The following CCBE1 variants were observed in gnomAD, a reference collection of about 807,000 sequenced individuals.
CCBE1 encodes collagen and calcium binding EGF domains 1, also known as collagen and calcium-binding EGF domain-containing protein 1.
A neutral mutation model predicts 50.0 loss-of-function variants in CCBE1; 37 were observed. The ratio of observed to expected loss-of-function variants is 0.74; its 90% CI spans 0.57 to 0.97. CCBE1 has a LOEUF of 0.97. Among genes scored for constraint, CCBE1 ranks in the 50% least tolerant of loss-of-function variants. The pLI is 0.00. For missense variants in CCBE1, 538 were observed against 523.8 expected, an observed-to-expected ratio of 1.03 and a Z score of -0.26; for synonymous variants, 234 against 203.7, an observed-to-expected ratio of 1.15 and a Z score of -1.27.
At chr18:59,483,438 A>G (rs1286349107) in intron 2 of CCBE1, among the ~76,000 whole-genome samples, 1 of 152,222 alleles carries the variant, frequency 6.6e-6, no homozygotes, top group Non-Finnish European at 1.5e-5. Context: ...GAAATGTTTC[A>G]ATGAGCATTT....
At chr18:59,690,077 A>T (rs899042235) in intron 2 of CCBE1, among the ~76,000 whole-genome samples, 1 of 152,198 alleles carries the variant, frequency 6.6e-6, no homozygotes, top group Non-Finnish European at 1.5e-5. Flanking sequence ...CTGAAAGATA[A>T]AGGGAATTAA....
chr18:59,509,817 TA>T (rs1914053011), intron 2 of CCBE1, among the ~76,000 whole-genome samples: 1 of 65,908 alleles, frequency 1.5e-5, no homozygotes, highest in African/African-American at 7.3e-5. Context: ...TTTACTAAAT[TA>T]CTAAATTACT....
intron 2 of CCBE1, among the ~76,000 whole-genome samples, chr18:59,543,579 A>T (rs935205995): frequency 1.3e-5 from 2 of 152,150 alleles, no homozygotes; most frequent in Admixed American, 1.3e-4. Flanking sequence ...CTCACGTCTG[A>T]AATCCCAGCA....
chr18:59,552,833 T>G (rs188993225), intron 2 of CCBE1, among the ~76,000 whole-genome samples: 2 of 152,332 alleles, frequency 1.3e-5, no homozygotes, highest in South Asian at 2.1e-4. Context: ...GTCTTTGAAA[T>G]GAATGTTTCG....
intron 3 of CCBE1, among the ~76,000 whole-genome samples, chr18:59,472,635 C>T (rs1912087027): frequency 6.6e-6 from 1 of 152,206 alleles, no homozygotes; most frequent in African/African-American, 2.4e-5. Context: ...CAGCACCGCG[C>T]CCAGCCTACA....
intron 2 of CCBE1, among the ~76,000 whole-genome samples, chr18:59,564,437 T>C (rs2052787785): frequency 1.3e-5 from 2 of 152,240 alleles, no homozygotes; most frequent in South Asian, 4.1e-4. Context: ...TGTCAGTACA[T>C]AGAGCTGCAT....
At chr18:59,652,665 G>A (rs2054140753) in intron 2 of CCBE1, among the ~76,000 whole-genome samples, 1 of 152,198 alleles carries the variant, frequency 6.6e-6, no homozygotes. Flanking sequence ...ATTTTTCCCA[G>A]CTAAAGAAAG....
chr18:59,623,410 C>T (rs888176834), intron 2 of CCBE1, among the ~76,000 whole-genome samples: 1 of 152,152 alleles, frequency 6.6e-6, no homozygotes, highest in Non-Finnish European at 1.5e-5. Flanking sequence ...GGCACTTATC[C>T]AAGACACCAA....
intron 2 of CCBE1, among the ~76,000 whole-genome samples, chr18:59,522,705 C>T (rs923722038): frequency 1.9e-4 from 29 of 152,070 alleles, no homozygotes; most frequent in African/African-American, 6.0e-4. Flanking sequence ...AAATTTTTTT[C>T]TTGGCCGGGC....
intron 2 of CCBE1, among the ~76,000 whole-genome samples, chr18:59,622,479 G>T (rs190448457): frequency 1.6e-4 from 23 of 148,372 alleles, no homozygotes; most frequent in Non-Finnish European, 3.0e-4. Flanking sequence ...CCTCCAGCCT[G>T]GGCGACAGAG....
At position 59,697,364 on chromosome 18, in the gene CCBE1, C is replaced by T; in HGVS notation, c.-22G>A. 5 of 1,543,184 alleles carry T rather than the reference C, an allele frequency of 3.2e-6. No individual in the cohort carries two copies. Among genetic ancestry groups the T allele is most frequent in the Non-Finnish European group, 4.4e-6 (5 of 1,146,114 alleles). ...CCATCAGGGAAGCTCCCGGCTTCTT[C>T]CCAGCGCCGAGCTCCGTCCGGACCA... is the stretch of plus-strand genomic sequence containing the variant. On this transcript the variant is annotated 5_prime_UTR_variant, in exon 1 of 11. Coordinates refer to ENST00000439986, the MANE Select transcript of CCBE1 (RefSeq NM_133459.4).
intron 4 of CCBE1, 79 bp downstream of exon 4, chr18:59,469,394 T>G: frequency 6.3e-7 from 1 of 1,581,954 alleles, no homozygotes; most frequent in South Asian, 1.1e-5. Flanking sequence ...GTATGAGAAC[T>G]GAAGGGTCCA....
At chr18:59,510,016 C>T (rs184905651) in intron 2 of CCBE1, among the ~76,000 whole-genome samples, 3 of 152,320 alleles carry the variant, frequency 2.0e-5, no homozygotes, top group East Asian at 3.9e-4. Flanking sequence ...GGAACCCAAA[C>T]ACCAAGCTGC....
At chr18:59,448,957 C>G (rs1194558340) in intron 6 of CCBE1, among the ~76,000 whole-genome samples, 1 of 152,098 alleles carries the variant, frequency 6.6e-6, no homozygotes, top group Non-Finnish European at 1.5e-5. Flanking sequence ...GTACCTGTGG[C>G]CCTGGGGAGG....
At chr18:59,468,278 A>G (rs1319173108) in intron 4 of CCBE1, among the ~76,000 whole-genome samples, 2 of 152,188 alleles carry the variant, frequency 1.3e-5, no homozygotes, top group African/African-American at 4.8e-5. Context: ...CCAGCTACTC[A>G]GGAGGCTCAG....
At chr18:59,655,519 A>T (rs2144675183) in intron 2 of CCBE1, among the ~76,000 whole-genome samples, 1 of 152,326 alleles carries the variant, frequency 6.6e-6, no homozygotes, top group African/African-American at 2.4e-5. Context: ...GTCCATATGG[A>T]GATCCTTTGG....
chr18:59,442,551 A>G (rs1484198822), intron 7 of CCBE1, among the ~76,000 whole-genome samples: 1 of 152,056 alleles, frequency 6.6e-6, no homozygotes, highest in Non-Finnish European at 1.5e-5. Flanking sequence ...AACACAGTGA[A>G]ACCCCATCTC....
In CCBE1 at chr18:59,431,203, G is replaced by C. The variant is rs1909936559; in HGVS notation, c.*4705C>G. ...TGATTTCCCTAGAGCAGTAACGTTT[G>C]TTGAGGGAGCATGTGAAGTTCATGA... On this transcript the variant is annotated 3_prime_UTR_variant, in exon 11 of 11. Coordinates refer to ENST00000439986, the MANE Select transcript of CCBE1 (RefSeq NM_133459.4). 1 of 152,228 alleles carries C rather than the reference G, an allele frequency of 6.6e-6. No homozygotes were observed. Among genetic ancestry groups the C allele is most frequent in the Non-Finnish European group, 1.5e-5 (1 of 68,040 alleles). The allele number at this position is 152,228 out of a possible 1,614,324, so 9.4% of individuals were successfully genotyped here.
At chr18:59,692,992 A>ACACACAC (rs2054755082) in intron 2 of CCBE1, among the ~76,000 whole-genome samples, 1 of 151,418 alleles carries the variant, frequency 6.6e-6, no homozygotes, top group African/African-American at 2.4e-5. Context: ...ACACACACAC[A>ACACACAC]CACACACACA....
Sources: gnomAD v4.1 joint callset for allele counts (sites outside exome capture counted in the v4.1 genomes callset) on GRCh38, gnomAD v4.1.1 for gene constraint, MANE v1.5 for transcripts, NCBI Gene and HGNC (gene_info 2026-07-23, HGNC 2026-07-21) for gene names.